The following MACROD2 variants were observed in gnomAD, a reference collection of about 807,000 sequenced individuals.
MACROD2 encodes ADP-ribose glycohydrolase MACROD2.
A neutral mutation model predicts 70.4 loss-of-function variants in MACROD2; 36 were observed. The observed-to-expected ratio is 0.51, with a 90% confidence interval of 0.39 to 0.68. The LOEUF (loss-of-function observed/expected upper bound fraction) is 0.68. Among genes scored for constraint, MACROD2 ranks in the 30% least tolerant of loss-of-function variants. The pLI, the probability that MACROD2 is intolerant of heterozygous loss-of-function variation, is 0.00. For synonymous variants in MACROD2, 172 were observed against 178.8 expected (o/e 0.96, Z 0.30); for missense variants, 496 against 538.4 (o/e 0.92, Z 0.78).
chr20:15,789,165 CG>C (rs1416772934), intron 8 of MACROD2, among the ~76,000 whole-genome samples: 1 of 152,130 alleles, frequency 6.6e-6, no homozygotes, highest in African/African-American at 2.4e-5. Flanking sequence ...CTAGCCACAG[CG>C]AACAAGCATC....
chr20:15,211,119 T>G (rs889106951), intron 5 of MACROD2, among the ~76,000 whole-genome samples: 2 of 152,192 alleles, frequency 1.3e-5, no homozygotes, highest in African/African-American at 4.8e-5. Flanking sequence ...TCCCCACTCC[T>G]TGACAACCAT....
intron 5 of MACROD2, among the ~76,000 whole-genome samples, chr20:15,038,459 G>A (rs1408890456): frequency 1.3e-5 from 2 of 152,166 alleles, no homozygotes; most frequent in African/African-American, 4.8e-5. Flanking sequence ...TTTGATGTGA[G>A]CAGTGTATTT....
intron 3 of MACROD2, among the ~76,000 whole-genome samples, chr20:14,247,483 C>T (rs1490522222): frequency 6.6e-6 from 1 of 152,122 alleles, no homozygotes; most frequent in Non-Finnish European, 1.5e-5. Context: ...TATTTGAAGT[C>T]ATTTCCTTTA....
chr20:14,686,696 T>TA, intron 5 of MACROD2, among the ~76,000 whole-genome samples: 1 of 152,192 alleles, frequency 6.6e-6, no homozygotes, highest in Non-Finnish European at 1.5e-5. Context: ...ACCATCTCGG[T>TA]TTGTGTAAGT....
At chr20:14,527,932 A>G (rs188952722) in intron 4 of MACROD2, among the ~76,000 whole-genome samples, 34 of 152,332 alleles carry the variant, frequency 2.2e-4, no homozygotes, top group Non-Finnish European at 4.0e-4. Context: ...TAAGCTGAGT[A>G]AAATAAGCAG....
At chr20:14,282,670 G>A (rs998096202) in intron 3 of MACROD2, among the ~76,000 whole-genome samples, 1 of 152,124 alleles carries the variant, frequency 6.6e-6, no homozygotes, top group Non-Finnish European at 1.5e-5. Flanking sequence ...CGTGGTGCTG[G>A]CACTCAACTT....
At chr20:14,389,067 A>G (rs1038323974) in intron 3 of MACROD2, among the ~76,000 whole-genome samples, 21 of 151,394 alleles carry the variant, frequency 1.4e-4, no homozygotes, top group Middle Eastern at 3.4e-3. Flanking sequence ...TTTAGTAGAG[A>G]CGGGGTTTCA....
At chr20:15,602,373 A>G (rs2048834036) in intron 8 of MACROD2, among the ~76,000 whole-genome samples, 2 of 152,204 alleles carry the variant, frequency 1.3e-5, no homozygotes, top group African/African-American at 2.4e-5. Flanking sequence ...TTTGAGACTG[A>G]CATACTTTGA....
intron 5 of MACROD2, among the ~76,000 whole-genome samples, chr20:15,054,544 T>A (rs1185049716): frequency 2.6e-5 from 4 of 152,172 alleles, no homozygotes; most frequent in Admixed American, 6.5e-5. Context: ...TATAATGCTA[T>A]TGCACCCTTA....
chr20:14,322,175 AATATATATATATATATAT>A lies in MACROD2; in HGVS notation c.272-171295_272-171278del, dbSNP rs374464781. On this transcript the variant is annotated intron_variant, in intron 3 of 17. Coordinates refer to ENST00000684519, the MANE Select transcript of MACROD2 (RefSeq NM_001351661.2). Reference sequence around the variant, plus strand: ...GACTTGTATCTTGATATTCTATTGAAATATATATATATATATATATATATATTTTGTATTTTGCAAAGC... The same window carrying A: ...GACTTGTATCTTGATATTCTATTGAAATATATATTTTGTATTTTGCAAAGC... Among the ~76,000 whole-genome samples, 11 of 66,378 alleles carry A rather than the reference AATATATATATATATATAT, an allele frequency of 1.7e-4. No homozygotes were observed. In the South Asian group the frequency reaches 3.1e-3, roughly 19 times the overall value. 43.5% of individuals were successfully genotyped at this position (66,378 alleles called of 152,430 possible). A position where few individuals can be genotyped will look rare whatever the true frequency, so the allele number is the denominator to read the frequency against.
At chr20:15,179,294 A>C (rs1213266448) in intron 5 of MACROD2, among the ~76,000 whole-genome samples, 3 of 152,164 alleles carry the variant, frequency 2.0e-5, no homozygotes, top group Non-Finnish European at 1.5e-5. Context: ...TTTTATTGAC[A>C]GATATAAACA....
intron 4 of MACROD2, among the ~76,000 whole-genome samples, chr20:14,525,895 T>C (rs889474612): frequency 2.6e-5 from 4 of 152,190 alleles, no homozygotes; most frequent in African/African-American, 4.8e-5. Flanking sequence ...TTGCAGCCAA[T>C]AGCTATTGGA....
rs544116150 is a variant in MACROD2 at position 15,303,458 on chromosome 20, T to G, written c.540+73397T>G. ...TCATCATGCCGCCTTGCCCTAGACG[T>G]TCATGTCAGTAGAAAAGCTCCATAA... is the stretch of plus-strand genomic sequence containing the variant. On this transcript the variant is annotated intron_variant, in intron 6 of 17. Transcript: ENST00000684519. Among the ~76,000 whole-genome samples, 12 of 152,260 alleles carry G rather than the reference T, an allele frequency of 7.9e-5. No individual in the cohort carries two copies. In the East Asian group the frequency reaches 2.3e-3, roughly 29 times the overall value.
In MACROD2 at chr20:14,049,182, A is replaced by C. The variant is rs529141983; in HGVS notation, c.164-36439A>C. 4.4e-3 allele frequency among the ~76,000 whole-genome samples: 428 copies of C among 97,340 alleles called. 7 individuals are homozygous for C. The highest frequency in any genetic ancestry group is 9.9e-3 in the Middle Eastern group (2 of 202). The allele number at this position is 97,340 out of a possible 152,430, so 63.9% of individuals were successfully genotyped here. On this transcript the variant is annotated intron_variant, in intron 2 of 17. Coordinates refer to ENST00000684519, the MANE Select transcript of MACROD2 (RefSeq NM_001351661.2). ...ACTAAAAATATATTTAATAAAAAAA[A>C]AAAAAAACAAAAAAACAAAAAAGCC... is the stretch of plus-strand genomic sequence containing the variant.
At chr20:15,192,678 A>G (rs1268753113) in intron 5 of MACROD2, among the ~76,000 whole-genome samples, 2 of 152,092 alleles carry the variant, frequency 1.3e-5, no homozygotes, top group East Asian at 3.9e-4. Context: ...CTCACTCCAT[A>G]CATCCAGACA....
chr20:14,072,199 CA>C (rs1223595875), intron 2 of MACROD2, among the ~76,000 whole-genome samples: 1 of 151,922 alleles, frequency 6.6e-6, no homozygotes, highest in Non-Finnish European at 1.5e-5. Context: ...TCTGGAAAAC[CA>C]GTTATGTTTT....
Position 14,950,343 on chromosome 20 carries a change from G to A in MACROD2, c.418+265384G>A, listed in dbSNP as rs1249473116. ...GTTCAAGAGAGATGACTCTTCCACA[G>A]ATCTCTTCTATTGTGGGACGTGGAA... is the stretch of plus-strand genomic sequence containing the variant. On this transcript the variant is annotated intron_variant, in intron 5 of 17. Coordinates refer to ENST00000684519, the MANE Select transcript of MACROD2 (RefSeq NM_001351661.2). 2.6e-5 allele frequency among the ~76,000 whole-genome samples: 4 copies of A among 152,100 alleles called. 1 individual carries two copies. Among genetic ancestry groups the A allele is most frequent in the Non-Finnish European group, 5.9e-5 (4 of 68,026 alleles).
intron 8 of MACROD2, among the ~76,000 whole-genome samples, chr20:15,565,493 A>C (rs1384365486): frequency 1.3e-5 from 2 of 152,202 alleles, no homozygotes; most frequent in Non-Finnish European, 2.9e-5. Context: ...TAGCATATTA[A>C]ATAAAATACC....
chr20:14,326,900 G>A lies in MACROD2; in HGVS notation c.272-166579G>A, dbSNP rs369943098. ...AACAGGTTTCCATCTAGAACCAGGC[G>A]TTTTAGACTAGTGAGACCTTGAAGA... On this transcript the variant is annotated intron_variant, in intron 3 of 17. Transcript: ENST00000684519. The surrounding 1 kb of genome is among the most constrained non-coding windows in gnomAD (Gnocchi z 5.5). 8.1e-6 allele frequency: 13 copies of A among 1,613,596 alleles called. No homozygotes were observed. Among genetic ancestry groups the A allele is most frequent in the African/African-American group, 1.3e-5 (1 of 74,878 alleles).
Sources: allele counts gnomAD v4.1 joint callset (sites outside exome capture counted in the v4.1 genomes callset), GRCh38; gene constraint gnomAD v4.1.1; non-coding constraint Gnocchi (gnomAD v3.1); transcripts MANE v1.5; gene names NCBI Gene and HGNC (gene_info 2026-07-23, HGNC 2026-07-21).